ASAP1: variants seen among roughly 807,000 people sequenced by gnomAD.
ASAP1 encodes the protein ArfGAP with SH3 domain, ankyrin repeat and PH domain 1.
In ASAP1, 43 loss-of-function variants were observed where a neutral mutation model predicts 145.2. That is an observed-to-expected ratio of 0.30 (90% CI 0.23 to 0.38). The LOEUF (loss-of-function observed/expected upper bound fraction) is 0.38, where lower values mean the gene tolerates loss of function less well. Ranked by LOEUF, ASAP1 falls within the 10% of genes least tolerant of loss-of-function variation. The pLI is 1.00. For synonymous variants in ASAP1, 546 were observed against 515.5 expected (o/e 1.06, Z -0.80); for missense variants, 1,018 against 1,355.3 (o/e 0.75, Z 3.91).
At chr8:130,130,622 T>C (rs985475017) in intron 15 of ASAP1, among the ~76,000 whole-genome samples, 1 of 152,168 alleles carries the variant, frequency 6.6e-6, no homozygotes, top group Admixed American at 6.5e-5. Context: ...CGCTTTGAGT[T>C]TTATAAGATA....
intron 3 of ASAP1, among the ~76,000 whole-genome samples, chr8:130,355,594 C>T (rs1236338145): frequency 6.6e-6 from 1 of 152,124 alleles, no homozygotes; most frequent in African/African-American, 2.4e-5. Context: ...CATATGCCAA[C>T]AAGATTTTGT....
At chr8:130,410,442 C>T (rs1250910887) in intron 1 of ASAP1, among the ~76,000 whole-genome samples, 4 of 152,132 alleles carry the variant, frequency 2.6e-5, no homozygotes, top group African/African-American at 7.2e-5. Context: ...ATTCTATACT[C>T]GGAGGGAGGC....
intron 2 of ASAP1, among the ~76,000 whole-genome samples, chr8:130,385,576 C>G (rs1827975801): frequency 6.6e-6 from 1 of 152,192 alleles, no homozygotes; most frequent in Non-Finnish European, 1.5e-5. Flanking sequence ...TTCTCAGTTA[C>G]CAGGTGGGTA....
chr8:130,161,934 G>A (rs1195942544), intron 11 of ASAP1, among the ~76,000 whole-genome samples: 1 of 152,108 alleles, frequency 6.6e-6, no homozygotes, highest in Non-Finnish European at 1.5e-5. Flanking sequence ...CTGAGTAGCT[G>A]GGACTACAGG....
At chr8:130,078,032 T>A (rs568708039) in intron 26 of ASAP1, among the ~76,000 whole-genome samples, 8 of 149,412 alleles carry the variant, frequency 5.4e-5, no homozygotes, top group African/African-American at 2.0e-4. Context: ...CGCTGTCACC[T>A]AGGCTGGAGT....
chr8:130,102,275 A>T (rs995395519), intron 24 of ASAP1, among the ~76,000 whole-genome samples: 1 of 152,212 alleles, frequency 6.6e-6, no homozygotes, highest in Admixed American at 6.5e-5. Flanking sequence ...TGTTCCTTCT[A>T]TACCTAATTT....
chr8:130,256,759 A>T (rs57588294), intron 3 of ASAP1, among the ~76,000 whole-genome samples: 2 of 95,752 alleles, frequency 2.1e-5, no homozygotes, highest in African/African-American at 7.3e-5. Context: ...ATATATATAT[A>T]TATATATATA....
intron 3 of ASAP1, among the ~76,000 whole-genome samples, chr8:130,256,378 G>A (rs921266817): frequency 4.0e-5 from 6 of 149,946 alleles, no homozygotes; most frequent in Admixed American, 6.7e-5. Context: ...TTACTTGAAC[G>A]GGGAATACAT....
intron 13 of ASAP1, among the ~76,000 whole-genome samples, chr8:130,142,568 G>A (rs1174224348): frequency 1.3e-5 from 2 of 152,274 alleles, no homozygotes; most frequent in East Asian, 3.9e-4. Flanking sequence ...ACTTGATTAC[G>A]TATGGGGGCC....
rs146738438 is a variant in ASAP1 at position 130,357,362 on chromosome 8, G to A, written c.186+655C>T. Among the ~76,000 whole-genome samples the A allele has an allele frequency of 1.2e-3, 178 of 152,372 alleles. 5 individuals carry two copies. The East Asian group carries it at 0.03, about 26-fold the overall frequency. ...TCGGAGTGCCCTGCGGGCAGGTCCTGCTGGCGCAGCAGCCCTAAGCCCTAC... is the reference window on the plus strand; with the variant it reads ...TCGGAGTGCCCTGCGGGCAGGTCCTACTGGCGCAGCAGCCCTAAGCCCTAC... On this transcript the variant is annotated intron_variant, in intron 3 of 29. Transcript: ENST00000518721.
intron 8 of ASAP1, 84 bp from the exon 9 acceptor site, chr8:130,179,433 CT>C: frequency 1.3e-6 from 1 of 781,450 alleles, no homozygotes; most frequent in Admixed American, 2.2e-5. Context: ...AACATCACCC[CT>C]GAATCTGCAC....
intron 3 of ASAP1, among the ~76,000 whole-genome samples, chr8:130,338,015 C>A (rs949176404): frequency 6.6e-6 from 1 of 152,212 alleles, no homozygotes; most frequent in Admixed American, 6.5e-5. Flanking sequence ...ATATTACACT[C>A]ATTTTACAGA....
At chr8:130,334,027 A>T (rs1035188121) in intron 3 of ASAP1, among the ~76,000 whole-genome samples, 8 of 152,318 alleles carry the variant, frequency 5.3e-5, no homozygotes, top group Middle Eastern at 3.4e-3. Flanking sequence ...GTCTCTTCAG[A>T]AGGTGACATC....
rs968341046 is a variant in ASAP1 at position 130,271,372 on chromosome 8, T to C, written c.187-34378A>G. ...ATGTGCTATTAAGACACTGCACTGC[T>C]TGTAGGCCACACAGTTCCAAGGAAT... On this transcript the variant is annotated intron_variant, in intron 3 of 29. Coordinates refer to ENST00000518721, the MANE Select transcript of ASAP1 (RefSeq NM_018482.4). 2.0e-5 allele frequency among the ~76,000 whole-genome samples: 3 copies of C among 152,342 alleles called. No homozygotes were observed. In the East Asian group the frequency reaches 5.8e-4, roughly 29 times the overall value.
At chr8:130,336,075 TAC>T (rs1825015825) in intron 3 of ASAP1, among the ~76,000 whole-genome samples, 1 of 152,148 alleles carries the variant, frequency 6.6e-6, no homozygotes, top group Non-Finnish European at 1.5e-5. Context: ...CTCATCAGCC[TAC>T]CAGAGATAGA....
intron 24 of ASAP1, among the ~76,000 whole-genome samples, chr8:130,111,742 G>T: frequency 6.6e-6 from 1 of 152,212 alleles, no homozygotes; most frequent in Non-Finnish European, 1.5e-5. Flanking sequence ...GTGGACCTCA[G>T]ATTGAATCTC....
intron 13 of ASAP1, among the ~76,000 whole-genome samples, chr8:130,138,090 A>G (rs1184099242): frequency 2.6e-5 from 4 of 152,204 alleles, no homozygotes; most frequent in Non-Finnish European, 5.9e-5. Context: ...TTTCAGGGAA[A>G]AGAGAGGGGG....
chr8:130,394,738 T>C (rs934452104), intron 2 of ASAP1, among the ~76,000 whole-genome samples: 2 of 152,208 alleles, frequency 1.3e-5, no homozygotes, highest in Admixed American at 1.3e-4. Flanking sequence ...GTACTCTGTC[T>C]CTTTATTTCT....
intron 3 of ASAP1, among the ~76,000 whole-genome samples, chr8:130,254,542 A>C (rs980179416): frequency 3.3e-5 from 5 of 152,230 alleles, no homozygotes; most frequent in Admixed American, 6.5e-5. Context: ...GTTTTACCCC[A>C]AAATTGCAAA....
Sources: allele counts gnomAD v4.1 joint callset (sites outside exome capture counted in the v4.1 genomes callset), GRCh38; gene constraint gnomAD v4.1.1; transcripts MANE v1.5; gene names NCBI Gene and HGNC (gene_info 2026-07-23, HGNC 2026-07-21).